Variants in LOXL1 observed in about 807,000 individuals in gnomAD.
The protein encoded by LOXL1 is lysyl oxidase homolog 1.
A neutral mutation model predicts 62.2 loss-of-function variants in LOXL1; 31 were observed. The ratio of observed to expected loss-of-function variants is 0.50; its 90% CI spans 0.37 to 0.67. The LOEUF (loss-of-function observed/expected upper bound fraction) is 0.67, where lower values mean the gene tolerates loss of function less well. Among genes scored for constraint, LOXL1 ranks in the 30% least tolerant of loss-of-function variants. The pLI is 0.00. For synonymous variants in LOXL1, 403 were observed against 384.4 expected (o/e 1.05, Z -0.56); for missense variants, 775 against 843.4 (o/e 0.92, Z 1.00).
At position 73,927,730 on chromosome 15, in the gene LOXL1, C is replaced by A; in HGVS notation, c.947C>A (p.Pro316Gln). 1 of 1,463,234 alleles carries A rather than the reference C, an allele frequency of 6.8e-7. No homozygotes were observed. Among genetic ancestry groups the A allele is most frequent in the Non-Finnish European group, 9.0e-7 (1 of 1,114,192 alleles). 90.6% of individuals were successfully genotyped at this position (1,463,234 alleles called of 1,614,324 possible). A position where few individuals can be genotyped will look rare whatever the true frequency, so the allele number is the denominator to read the frequency against. Residue 316 changes from proline (P) to glutamine (Q), a missense_variant, in exon 1 of 7, where the codon CCG becomes CAG. By Grantham distance (76) the Pro-to-Gln change is moderately conservative (BLOSUM62 -1). Coordinates refer to ENST00000261921, the MANE Select transcript of LOXL1 (RefSeq NM_005576.4). Reference sequence around the variant, plus strand: ...GGCTGGTACCCGCCCTACGCCAACCCGCCGCCCGAGGCGTACGGGCCGCCG... The same window carrying A: ...GGCTGGTACCCGCCCTACGCCAACCAGCCGCCCGAGGCGTACGGGCCGCCG... ...RLGWYPPYAN[P>Q]PPEAYGPPRA...
chr15:73,942,161 G>GT (rs2068718454), intron 1 of LOXL1: 1 of 153,820 alleles, frequency 6.5e-6, no homozygotes, highest in African/African-American at 2.4e-5. Flanking sequence ...ATGGGGAGGA[G>GT]TGGCTGCACC....
chr15:73,939,725 A>G (rs72745367), intron 1 of LOXL1, among the ~76,000 whole-genome samples: 45,465 of 151,990 alleles, frequency 0.3, 7,106 homozygotes, highest in South Asian at 0.39. Flanking sequence ...GTACACCTAA[A>G]ATCTGTGCAT....
intron 1 of LOXL1, among the ~76,000 whole-genome samples, chr15:73,936,170 A>G (rs759282813): frequency 3.3e-5 from 5 of 152,152 alleles, no homozygotes; most frequent in South Asian, 4.1e-4. Flanking sequence ...TCTGTGGGCA[A>G]TGGGGAGCCA....
At chr15:73,937,737 C>T (rs1356227444) in intron 1 of LOXL1, among the ~76,000 whole-genome samples, 1 of 152,254 alleles carries the variant, frequency 6.6e-6, no homozygotes, top group Non-Finnish European at 1.5e-5. Context: ...TGTCTCCCTC[C>T]TGGGAGCAAG....
chr15:73,932,758 G>A (rs1016999066), intron 1 of LOXL1, among the ~76,000 whole-genome samples: 3 of 152,222 alleles, frequency 2.0e-5, no homozygotes, highest in African/African-American at 7.2e-5. Flanking sequence ...GCCCTGAGAA[G>A]TTAAGCGACT....
chr15:73,943,499 C>A (rs2068728909), intron 2 of LOXL1, among the ~76,000 whole-genome samples: 1 of 152,148 alleles, frequency 6.6e-6, no homozygotes, highest in Non-Finnish European at 1.5e-5. Context: ...GGGCAGTGAG[C>A]CCGGGGGACA....
intron 1 of LOXL1, among the ~76,000 whole-genome samples, chr15:73,929,945 AG>A (rs1745878882): frequency 6.6e-6 from 1 of 152,196 alleles, no homozygotes; most frequent in African/African-American, 2.4e-5. Flanking sequence ...TTAGTTCTTA[AG>A]GAAGCCAGTT....
At position 73,946,471 on chromosome 15, in the gene LOXL1, C is replaced by T. The variant is rs201477983; in HGVS notation, c.1266C>T (p.Phe422=). ...TDYDVRVLLR[F]PQRVKNQGTA... is the part of the protein sequence containing the mutation. The stretch of plus-strand genomic sequence containing the variant: ...ACGATGTGCGGGTGCTACTGCGCTT[C>T]CCCCAGCGCGTGAAGAACCAGGGCA... Residue 422 remains phenylalanine (F), a synonymous_variant, in exon 3 of 7, where the codon TTC becomes TTT. Transcript: ENST00000261921. The T allele has an allele frequency of 7.0e-5, 113 of 1,612,488 alleles. 1 individual carries two copies. In the South Asian group the frequency reaches 1.1e-3, roughly 16 times the overall value.
At chr15:73,940,549 C>A (rs2068706864) in intron 1 of LOXL1, among the ~76,000 whole-genome samples, 1 of 152,006 alleles carries the variant, frequency 6.6e-6, no homozygotes, top group African/African-American at 2.4e-5. Context: ...AGGCATCAGA[C>A]CTCCGTCTGT....
At chr15:73,932,496 G>A (rs987683396) in intron 1 of LOXL1, among the ~76,000 whole-genome samples, 1 of 152,170 alleles carries the variant, frequency 6.6e-6, no homozygotes, top group African/African-American at 2.4e-5. Context: ...GCTAGATTCT[G>A]GGCACTGGTT....
rs5813735 is a variant in LOXL1, at chr15:73,950,293, T to TAAAA, written c.1718+733_1718+736dup. Among the ~76,000 whole-genome samples, 193 of 146,152 alleles carry TAAAA rather than the reference T, an allele frequency of 1.3e-3. 3 individuals carry two copies. The East Asian group carries it at 0.014, about 10-fold the overall frequency. The stretch of plus-strand genomic sequence containing the variant: ...CCAGATCGAAGCAACCCTTTTCCAT[T>TAAAA]AAAAAAAAAAAAAAAAATTAGTCCT... On this transcript the variant is annotated intron_variant, in intron 6 of 6. Coordinates refer to ENST00000261921, the MANE Select transcript of LOXL1 (RefSeq NM_005576.4).
In LOXL1 at chr15:73,946,573, G is replaced by A; in HGVS notation, c.1349+19G>A. 6.3e-7 allele frequency: 1 copy of A among 1,590,440 alleles called. No homozygotes were observed. The highest frequency in any genetic ancestry group is 2.3e-5 in the East Asian group (1 of 43,318). On this transcript the variant is annotated intron_variant, in intron 3 of 6. Coordinates refer to ENST00000261921, the MANE Select transcript of LOXL1 (RefSeq NM_005576.4). Reference sequence around the variant, plus strand: ...GCCACCAGTGAGTGGGGAGGGGCTGGGCCCGTCCTCTTCCACTTCTCCTCT... The same window carrying A: ...GCCACCAGTGAGTGGGGAGGGGCTGAGCCCGTCCTCTTCCACTTCTCCTCT...
chr15:73,926,810 GC>G lies in LOXL1; in HGVS notation c.28del (p.Leu10TrpfsTer33). The G allele has an allele frequency of 6.7e-7, 1 of 1,492,432 alleles. No individual in the cohort carries two copies. The highest frequency in any genetic ancestry group is 2.6e-5 in the East Asian group (1 of 38,322). 92.4% of individuals were successfully genotyped at this position (1,492,432 alleles called of 1,614,324 possible). The part of the protein sequence containing the change: MALARGSRQ[L>X]GALVWGACLC... ...TGGCTCTGGCCCGAGGCAGCCGGCAGCTGGGGGCCCTGGTGTGGGGCGCCTG... is the reference window on the plus strand; with the variant it reads ...TGGCTCTGGCCCGAGGCAGCCGGCAGTGGGGGCCCTGGTGTGGGGCGCCTG... On this transcript the variant is annotated frameshift_variant, in exon 1 of 7. Coordinates refer to ENST00000261921, the MANE Select transcript of LOXL1 (RefSeq NM_005576.4). LOFTEE classifies it high-confidence loss of function.
At chr15:73,950,810 A>T (rs1348907725) in intron 6 of LOXL1, among the ~76,000 whole-genome samples, 5 of 152,220 alleles carry the variant, frequency 3.3e-5, no homozygotes, top group Admixed American at 2.0e-4. Context: ...GCTACCATCA[A>T]CCTAACTGTT....
At chr15:73,941,508 AG>A (rs1169256719) in intron 1 of LOXL1, among the ~76,000 whole-genome samples, 2 of 152,166 alleles carry the variant, frequency 1.3e-5, no homozygotes, top group African/African-American at 2.4e-5. Flanking sequence ...GCAGCAGGAA[AG>A]GGGTGGGAAA....
At chr15:73,942,043 C>T (rs1279642590) in intron 1 of LOXL1, 1 of 171,808 alleles carries the variant, frequency 5.8e-6, no homozygotes. Flanking sequence ...GGGGAGAGAG[C>T]CAGGGCCTCC....
At chr15:73,929,130 T>A (rs1191493045) in intron 1 of LOXL1, among the ~76,000 whole-genome samples, 2 of 152,248 alleles carry the variant, frequency 1.3e-5, no homozygotes, top group Admixed American at 1.3e-4. Flanking sequence ...AGCCATTCTC[T>A]GCTGTCCTAG....
intron 6 of LOXL1, 110 bp downstream of exon 6, chr15:73,949,684 C>A: frequency 1.4e-6 from 1 of 735,152 alleles, no homozygotes; most frequent in South Asian, 1.5e-5. Context: ...CCTTGATGGC[C>A]GAACGCAGCT....
At position 73,951,863 on chromosome 15, in the gene LOXL1, C is replaced by T; in HGVS notation, c.*26C>T. ...TCTCCGGGAGGGACAGATGGCCAATCTCTCCCCTTCCAAAGCAGGCCCTGC... is the reference window on the plus strand; with the variant it reads ...TCTCCGGGAGGGACAGATGGCCAATTTCTCCCCTTCCAAAGCAGGCCCTGC... On this transcript the variant is annotated 3_prime_UTR_variant, in exon 7 of 7. Coordinates refer to ENST00000261921, the MANE Select transcript of LOXL1 (RefSeq NM_005576.4). 6.5e-7 allele frequency: 1 copy of T among 1,528,298 alleles called. No homozygotes were observed. Among genetic ancestry groups the T allele is most frequent in the South Asian group, 1.2e-5 (1 of 80,992 alleles). 94.7% of individuals were successfully genotyped at this position (1,528,298 alleles called of 1,614,324 possible).
Sources: allele counts gnomAD v4.1 joint callset (sites outside exome capture counted in the v4.1 genomes callset), GRCh38; gene constraint gnomAD v4.1.1; transcripts MANE v1.5; gene names NCBI Gene and HGNC (gene_info 2026-07-23, HGNC 2026-07-21).